LRRC4C: variants seen among roughly 807,000 people sequenced by gnomAD.
LRRC4C encodes leucine-rich repeat-containing protein 4C.
LRRC4C carries 5 observed loss-of-function variants against 33.6 expected under a neutral mutation model. The ratio of observed to expected loss-of-function variants is 0.15; its 90% CI spans 0.08 to 0.31. LRRC4C has a LOEUF of 0.31. Ranked by LOEUF, LRRC4C falls within the 10% of genes least tolerant of loss-of-function variation. The pLI, the probability that LRRC4C is intolerant of heterozygous loss-of-function variation, is 1.00. For missense variants in LRRC4C, 560 were observed against 796.7 expected (o/e 0.70, Z 3.58); for synonymous variants, 329 against 302.0 (o/e 1.09, Z -0.93).
intron 2 of LRRC4C, among the ~76,000 whole-genome samples, chr11:40,834,722 G>A (rs1952583170): frequency 6.6e-6 from 1 of 151,968 alleles, no homozygotes; most frequent in African/African-American, 2.4e-5. Flanking sequence ...GCTTAATAAT[G>A]GACACAGGCT....
chr11:41,091,051 T>A (rs2135545993), intron 1 of LRRC4C, among the ~76,000 whole-genome samples: 1 of 152,300 alleles, frequency 6.6e-6, no homozygotes, highest in East Asian at 1.9e-4. Flanking sequence ...CTGAGGATCC[T>A]TTTGTGTTGC....
At chr11:41,084,065 C>G (rs2135501378) in intron 1 of LRRC4C, among the ~76,000 whole-genome samples, 1 of 152,218 alleles carries the variant, frequency 6.6e-6, no homozygotes, top group African/African-American at 2.4e-5. Context: ...ATTTACAAGG[C>G]TTAAAGTGAG....
At chr11:40,800,533 G>T (rs571923791) in intron 2 of LRRC4C, among the ~76,000 whole-genome samples, 1 of 152,238 alleles carries the variant, frequency 6.6e-6, no homozygotes, top group East Asian at 1.9e-4. Context: ...TTTTCTAACA[G>T]ATGTTACCAT....
chr11:40,703,226 C>G (rs1945966058), intron 2 of LRRC4C, among the ~76,000 whole-genome samples: 1 of 151,620 alleles, frequency 6.6e-6, no homozygotes, highest in Non-Finnish European at 1.5e-5. Flanking sequence ...CAGGCCCTCA[C>G]AAAAAAATGA....
At chr11:40,912,485 C>G (rs1457791661) in intron 2 of LRRC4C, among the ~76,000 whole-genome samples, 3 of 152,118 alleles carry the variant, frequency 2.0e-5, no homozygotes, top group South Asian at 2.1e-4. Flanking sequence ...CCTTTACAGA[C>G]AAGCAAATGC....
chr11:41,275,255 A>G (rs1949447424), intron 1 of LRRC4C, among the ~76,000 whole-genome samples: 1 of 152,158 alleles, frequency 6.6e-6, no homozygotes, highest in Non-Finnish European at 1.5e-5. Flanking sequence ...AGTCTCAAGT[A>G]TTTCTTCATA....
chr11:40,191,523 C>T (rs1332700838), intron 5 of LRRC4C, among the ~76,000 whole-genome samples: 3 of 152,120 alleles, frequency 2.0e-5, no homozygotes, highest in African/African-American at 4.8e-5. Context: ...CAGTGTTCTT[C>T]CCAGGTGACT....
intron 3 of LRRC4C, among the ~76,000 whole-genome samples, chr11:40,500,701 C>T (rs1172116693): frequency 2.0e-5 from 3 of 152,120 alleles, no homozygotes. Context: ...CCTTCCACAA[C>T]ACATGGAAAT....
At chr11:41,304,574 G>C (rs1243720340) in intron 1 of LRRC4C, among the ~76,000 whole-genome samples, 1 of 111,498 alleles carries the variant, frequency 9.0e-6, no homozygotes, top group Non-Finnish European at 1.9e-5. Context: ...GAGGGAGGTG[G>C]GGGGGTCAGC....
intron 1 of LRRC4C, among the ~76,000 whole-genome samples, chr11:41,077,970 A>ATG (rs1939281018): frequency 6.6e-6 from 1 of 152,118 alleles, no homozygotes; most frequent in Admixed American, 6.5e-5. Flanking sequence ...ACCCTAAATC[A>ATG]TCTCTCTCAA....
intron 2 of LRRC4C, among the ~76,000 whole-genome samples, chr11:40,881,454 C>T (rs2136024617): frequency 6.6e-6 from 1 of 152,100 alleles, no homozygotes; most frequent in South Asian, 2.1e-4. Flanking sequence ...TGCGTCAAAG[C>T]AATAAAAACA....
At position 41,320,037 on chromosome 11, in the gene LRRC4C, CAG is replaced by C. The variant is rs1416728666; in HGVS notation, c.-496+139392_-496+139393del. Reference sequence around the variant, plus strand: ...ACAAATAGAGGGGGGCACAATGAGACAGATATAAAAAAGTATAGAATTTTGAC... The same window carrying C: ...ACAAATAGAGGGGGGCACAATGAGACATATAAAAAAGTATAGAATTTTGAC... On this transcript the variant is annotated intron_variant, in intron 1 of 6. Coordinates refer to ENST00000528697, the MANE Select transcript of LRRC4C (RefSeq NM_001258419.2). 2.0e-5 allele frequency among the ~76,000 whole-genome samples: 3 copies of C among 151,908 alleles called. No individual in the cohort carries two copies. The East Asian group carries it at 5.8e-4, about 29-fold the overall frequency.
chr11:40,458,225 T>A (rs1221375832), intron 3 of LRRC4C, among the ~76,000 whole-genome samples: 2 of 152,120 alleles, frequency 1.3e-5, no homozygotes, highest in African/African-American at 4.8e-5. Flanking sequence ...TGCCTGTGTG[T>A]GTGTCTGTGT....
In LRRC4C at chr11:41,442,849, A is replaced by C. The variant is rs1955683549; in HGVS notation, c.-496+16582T>G. Among the ~76,000 whole-genome samples the C allele has an allele frequency of 2.6e-5, 4 of 152,182 alleles. No individual in the cohort carries two copies. The South Asian group carries it at 8.3e-4, about 32-fold the overall frequency. On this transcript the variant is annotated intron_variant, in intron 1 of 6. Coordinates refer to ENST00000528697, the MANE Select transcript of LRRC4C (RefSeq NM_001258419.2). ...GACATAGTTCATCTGTATAATCTGA[A>C]ATAGTTCATCTATCTTCAAATTTCT...
At position 41,240,272 on chromosome 11, in the gene LRRC4C, A is replaced by G. The variant is rs967794949; in HGVS notation, c.-496+219159T>C. Among the ~76,000 whole-genome samples, 4 of 152,286 alleles carry G rather than the reference A, an allele frequency of 2.6e-5. No homozygotes were observed. The East Asian group carries it at 5.8e-4, about 22-fold the overall frequency. ...TAGGTAACTGCAGCTATCCACAGAC[A>G]TTACCGCATCTAATTCTTGATGCCA... On this transcript the variant is annotated intron_variant, in intron 1 of 6. Transcript: ENST00000528697.
intron 2 of LRRC4C, among the ~76,000 whole-genome samples, chr11:40,801,960 G>A (rs1486371117): frequency 2.0e-5 from 3 of 152,028 alleles, no homozygotes; most frequent in East Asian, 1.9e-4. Context: ...ATGCATTTTC[G>A]GTACATCATT....
intron 3 of LRRC4C, among the ~76,000 whole-genome samples, chr11:40,636,225 C>T (rs544084947): frequency 3.9e-5 from 6 of 152,200 alleles, no homozygotes; most frequent in Admixed American, 2.6e-4. Context: ...TCTATCTCAG[C>T]GGCCAGTTTC....
intron 1 of LRRC4C, among the ~76,000 whole-genome samples, chr11:41,087,723 G>C (rs906061881): frequency 4.6e-5 from 7 of 152,114 alleles, no homozygotes; most frequent in African/African-American, 9.7e-5. Flanking sequence ...CCCTTTATAA[G>C]TTTAATAAAC....
chr11:41,238,834 C>T (rs1948128436), intron 1 of LRRC4C, among the ~76,000 whole-genome samples: 1 of 152,084 alleles, frequency 6.6e-6, no homozygotes, highest in Admixed American at 6.6e-5. Context: ...CAAAGGTTAT[C>T]GTTCCTCCAA....
Sources: gnomAD v4.1 joint callset for allele counts (sites outside exome capture counted in the v4.1 genomes callset) on GRCh38, gnomAD v4.1.1 for gene constraint, MANE v1.5 for transcripts, NCBI Gene and HGNC (gene_info 2026-07-23, HGNC 2026-07-21) for gene names.